The following FBLN5 variants were observed in gnomAD, a reference collection of about 807,000 sequenced individuals.
FBLN5 encodes the protein fibulin-5.
Under a neutral mutation model 61.6 loss-of-function variants are expected in FBLN5, and 24 were observed. The observed-to-expected ratio is 0.39, with a 90% CI of 0.28 to 0.55. The LOEUF (loss-of-function observed/expected upper bound fraction) is 0.55. Among genes scored for constraint, FBLN5 ranks in the 20% least tolerant of loss-of-function variants. The probability of loss-of-function intolerance (pLI) is 0.65; values close to 1 mark genes in which losing one functional copy is unlikely to be tolerated. For synonymous variants in FBLN5, 213 were observed against 219.8 expected (o/e 0.97, Z 0.27); for missense variants, 470 against 594.1 (o/e 0.79, Z 2.17).
chr14:91,937,367 A>G (rs2056037097), intron 3 of FBLN5, among the ~76,000 whole-genome samples, 166 bp from the exon 4 acceptor site: 3 of 152,264 alleles, frequency 2.0e-5, no homozygotes, highest in East Asian at 3.9e-4. Flanking sequence ...GAAGTGTATC[A>G]AAGTAACCAG....
At chr14:91,915,374 T>A (rs902067071) in intron 4 of FBLN5, among the ~76,000 whole-genome samples, 36 of 152,054 alleles carry the variant, frequency 2.4e-4, no homozygotes, top group African/African-American at 8.4e-4. Flanking sequence ...GTGCAAACAG[T>A]CCCCTAACTT....
At chr14:91,898,895 G>C (rs1890338140) in intron 4 of FBLN5, among the ~76,000 whole-genome samples, 1 of 144,190 alleles carries the variant, frequency 6.9e-6, no homozygotes, top group African/African-American at 2.6e-5. Context: ...TCTGCCTCCC[G>C]GGTTCACACC....
intron 3 of FBLN5, chr14:91,938,211 CT>C: frequency 6.5e-6 from 1 of 153,026 alleles, no homozygotes; most frequent in Non-Finnish European, 1.5e-5. Context: ...AATCCCAGCA[CT>C]TTGGGAGGCC....
intron 5 of FBLN5, among the ~76,000 whole-genome samples, chr14:91,894,281 G>A (rs904984322): frequency 5.3e-5 from 8 of 149,626 alleles, no homozygotes; most frequent in African/African-American, 1.5e-4. Context: ...TGACTGAAAC[G>A]CCAGCTACTC....
chr14:91,882,867 T>A lies in FBLN5; in HGVS notation c.862+87A>T. On this transcript the variant is annotated intron_variant, in intron 8 of 10. Transcript: ENST00000342058. The surrounding 1 kb of genome is among the most constrained non-coding windows in gnomAD (Gnocchi z 4.9). ...GCCACCTTCCCAAAGCTGCACATGA[T>A]TCCCCAGGTGAGGATATCCAGATGA... 2 of 1,495,354 alleles carry A rather than the reference T, an allele frequency of 1.3e-6. No individual in the cohort carries two copies. Among genetic ancestry groups the A allele is most frequent in the Non-Finnish European group, 1.8e-6 (2 of 1,086,404 alleles). The allele number at this position is 1,495,354 out of a possible 1,614,324, so 92.6% of individuals were successfully genotyped here.
intron 10 of FBLN5, among the ~76,000 whole-genome samples, chr14:91,871,415 G>A (rs866807307): frequency 6.6e-6 from 1 of 152,004 alleles, no homozygotes; most frequent in African/African-American, 2.4e-5. Flanking sequence ...TGATCACTGT[G>A]GTCCTAATAA....
chr14:91,937,031 G>A lies in FBLN5; in HGVS notation c.295C>T (p.Leu99Phe), dbSNP rs148521275. Residue 99 changes from leucine (L) to phenylalanine (F), a missense_variant, in exon 4 of 11, where the codon CTC becomes TTC. By Grantham distance (22) the Leu-to-Phe change is conservative. Transcript: ENST00000342058. The part of the protein sequence containing the change: ...SGPYPAAAPP[L>F]SAPNYPTISR... ...ATCGTGGGATAGTTTGGAGCTGAGA[G>A]TGGTGGGGCAGCTGCTGGGTACGGA... is the stretch of plus-strand genomic sequence containing the variant. The A allele has an allele frequency of 2.5e-6, 4 of 1,614,074 alleles. No homozygotes were observed. The highest frequency in any genetic ancestry group is 3.3e-5 in the Admixed American group (2 of 60,006).
chr14:91,874,621 A>G lies in FBLN5; in HGVS notation c.1185+2866T>C, dbSNP rs565969126. ...AATCTGGACGATAAAACCATCCTAT[A>G]TCATAGGATTCTTGTGAAGATTAAA... On this transcript the variant is annotated intron_variant, in intron 10 of 10. Coordinates refer to ENST00000342058, the MANE Select transcript of FBLN5 (RefSeq NM_006329.4). 4 of 152,260 alleles carry G rather than the reference A, an allele frequency of 2.6e-5. No homozygotes were observed. The East Asian group carries it at 7.7e-4, about 29-fold the overall frequency. 9.4% of individuals were successfully genotyped at this position (152,260 alleles called of 1,614,324 possible). A position where few individuals can be genotyped will look rare whatever the true frequency, so the allele number is the denominator to read the frequency against.
intron 9 of FBLN5, among the ~76,000 whole-genome samples, chr14:91,880,526 CGTGTGTGT>C (rs140201135): frequency 0.026 from 3,857 of 147,522 alleles, 55 homozygotes; most frequent in South Asian, 0.034. Context: ...AGTGTGCGTG[CGTGTGTGT>C]GTGTGTGTGT....
intron 4 of FBLN5, among the ~76,000 whole-genome samples, chr14:91,912,560 A>G (rs1222975172): frequency 1.3e-5 from 2 of 152,076 alleles, no homozygotes; most frequent in Non-Finnish European, 2.9e-5. Flanking sequence ...CAGGAGAATC[A>G]ATTGAACCCA....
chr14:91,936,317 G>A (rs1215201249), intron 4 of FBLN5, among the ~76,000 whole-genome samples: 2 of 152,184 alleles, frequency 1.3e-5, no homozygotes, highest in East Asian at 1.9e-4. Context: ...ATTCACAGGC[G>A]CGATCACAGC....
chr14:91,910,371 G>A (rs142184936), intron 4 of FBLN5, among the ~76,000 whole-genome samples: 3 of 152,328 alleles, frequency 2.0e-5, no homozygotes, highest in African/African-American at 7.2e-5. Context: ...ACGGGCTAGA[G>A]AGAAGGGGAA....
In FBLN5 at chr14:91,891,267, T is replaced by C. The variant is rs756288143; in HGVS notation, c.573A>G (p.Thr191=). ...CATTGAGGGTAAAACCAGGGTTGCA[T>C]GTACAAGAATAGGATCCAGGAACAT... ...CANVPGSYSC[T]CNPGFTLNED... Residue 191 remains threonine (T), a synonymous_variant, in exon 6 of 11, where the codon ACA becomes ACG. Coordinates refer to ENST00000342058, the MANE Select transcript of FBLN5 (RefSeq NM_006329.4). The C allele has an allele frequency of 4.3e-6, 7 of 1,613,880 alleles. No individual in the cohort carries two copies. The Admixed American group carries it at 1.0e-4, about 23-fold the overall frequency.
intron 4 of FBLN5, among the ~76,000 whole-genome samples, chr14:91,907,575 G>A (rs533057945): frequency 1.2e-4 from 19 of 152,188 alleles, no homozygotes; most frequent in African/African-American, 3.9e-4. Flanking sequence ...GTTAAAACAC[G>A]TAGGAGTGCA....
Position 91,870,329 on chromosome 14 carries a change from C to G in FBLN5, c.1242G>C (p.Arg414=). The G allele has an allele frequency of 6.2e-7, 1 of 1,614,200 alleles. No homozygotes were observed. The highest frequency in any genetic ancestry group is 1.1e-5 in the South Asian group (1 of 91,088). Residue 414 remains arginine, a synonymous_variant, in exon 11 of 11, where the codon CGG becomes CGC. Coordinates refer to ENST00000342058, the MANE Select transcript of FBLN5 (RefSeq NM_006329.4). ...LVMTRPIKGP[R]EIQLDLEMIT... ...TCATTTCCAAGTCCAGCTGGATTTC[C>G]CGGGGCCCTTTGATGGGGCGTGTCA...
intron 1 of FBLN5, chr14:91,946,837 C>T (rs1168532907): frequency 7.2e-6 from 11 of 1,525,132 alleles, no homozygotes; most frequent in South Asian, 4.9e-5. Context: ...TCAGCCGATG[C>T]GGCGCAGTAA....
intron 9 of FBLN5, among the ~76,000 whole-genome samples, chr14:91,880,550 TG>T (rs1889386225): frequency 6.6e-6 from 1 of 151,926 alleles, no homozygotes; most frequent in African/African-American, 2.4e-5. Context: ...TGTGTGTGTG[TG>T]TGTGTGTGTG....
chr14:91,906,645 C>T (rs1194705177), intron 4 of FBLN5, among the ~76,000 whole-genome samples: 1 of 152,232 alleles, frequency 6.6e-6, no homozygotes, highest in African/African-American at 2.4e-5. Flanking sequence ...AATGGGGCTG[C>T]CCTTTCCCAG....
chr14:91,937,106 G>C lies in FBLN5; in HGVS notation c.220C>G (p.Pro74Ala), dbSNP rs751213300. The C allele has an allele frequency of 6.2e-7, 1 of 1,614,038 alleles. No homozygotes were observed. Among genetic ancestry groups the C allele is most frequent in the Non-Finnish European group, 8.5e-7 (1 of 1,180,010 alleles). Residue 74 changes from proline to alanine, a missense_variant, in exon 4 of 11, where the codon CCT becomes GCT. Coordinates refer to ENST00000342058, the MANE Select transcript of FBLN5 (RefSeq NM_006329.4). ...GGYLCIPRTNPVYRGPYSNPY... is the reference protein window; with the variant it reads ...GGYLCIPRTNAVYRGPYSNPY... ...TTCGAGTAGGGCCCTCGATACACAG[G>C]GTTTGTCCGGGGAATGCATAAATAC...
Sources: gnomAD v4.1 joint callset for allele counts (sites outside exome capture counted in the v4.1 genomes callset) on GRCh38, gnomAD v4.1.1 for gene constraint, Gnocchi (gnomAD v3.1) non-coding constraint, MANE v1.5 for transcripts, NCBI Gene and HGNC (gene_info 2026-07-23, HGNC 2026-07-21) for gene names.